Variants in DHX57 observed in about 807,000 individuals in gnomAD.
The protein encoded by DHX57 is putative ATP-dependent RNA helicase DHX57.
Under a neutral mutation model 156.2 loss-of-function variants are expected in DHX57, and 105 were observed. That is an observed-to-expected ratio of 0.67 (90% confidence interval 0.57 to 0.79). DHX57 has a LOEUF of 0.79. Among genes scored for constraint, DHX57 ranks in the 30% least tolerant of loss-of-function variants. The probability of loss-of-function intolerance (pLI) is 0.00; values close to 1 mark genes in which losing one functional copy is unlikely to be tolerated. For synonymous variants in DHX57, 704 were observed against 595.6 expected (o/e 1.18, Z -2.65); for missense variants, 1,847 against 1,661.9 (o/e 1.11, Z -1.94).
chr2:38,806,722 CATATA>C, intron 21 of DHX57, 29 bp from the exon 22 acceptor site: 3 of 1,598,140 alleles, frequency 1.9e-6, no homozygotes, highest in Non-Finnish European at 2.6e-6. Context: ...TAAAAATAGA[CATATA>C]ATATATATAT....
At chr2:38,860,280 T>C (rs926397506) in intron 5 of DHX57, among the ~76,000 whole-genome samples, 1 of 152,100 alleles carries the variant, frequency 6.6e-6, no homozygotes, top group African/African-American at 2.4e-5. Flanking sequence ...TGAAACCCTG[T>C]CTTACTAAAA....
intron 13 of DHX57, among the ~76,000 whole-genome samples, chr2:38,833,959 A>T (rs895989070): frequency 6.6e-5 from 10 of 152,218 alleles, no homozygotes; most frequent in Admixed American, 3.9e-4. Context: ...AAAATAATCA[A>T]AACTCACACA....
chr2:38,819,205 T>TGG, intron 17 of DHX57, 61 bp from the exon 18 acceptor site: 1 of 1,526,532 alleles, frequency 6.6e-7, no homozygotes, highest in Non-Finnish European at 9.0e-7. Context: ...GACAGGGTCT[T>TGG]GTTCTGTTGC....
chr2:38,825,754 A>C lies in DHX57; in HGVS notation c.3014+93T>G, dbSNP rs930457208. 8.3e-6 allele frequency: 11 copies of C among 1,322,946 alleles called. No homozygotes were observed. In the African/African-American group the frequency reaches 1.6e-4, roughly 19 times the overall value. 82.0% of individuals were successfully genotyped at this position (1,322,946 alleles called of 1,614,324 possible). A position where few individuals can be genotyped will look rare whatever the true frequency, so the allele number is the denominator to read the frequency against. ...ATTATTGGTGGTCATTCTTAGCCAA[A>C]TATCTTCTAGAAGTAAAAGGAAAAC... is the stretch of plus-strand genomic sequence containing the variant. On this transcript the variant is annotated intron_variant, in intron 16 of 23. Coordinates refer to ENST00000457308, the MANE Select transcript of DHX57 (RefSeq NM_198963.3).
rs1282172296 is a variant in DHX57, at chr2:38,802,905, A to C, written c.3827T>G (p.Phe1276Cys). 6.2e-7 allele frequency: 1 copy of C among 1,614,074 alleles called. No individual in the cohort carries two copies. Among genetic ancestry groups the C allele is most frequent in the Non-Finnish European group, 8.5e-7 (1 of 1,180,018 alleles). The change falls in exon 23 of 24, where the codon TTT becomes TGT. Residue 1276 changes from phenylalanine (F) to cysteine (C), a missense_variant. Transcript: ENST00000457308. ...GTGGTACAACAGGTAGGGGCTGTCA[A>C]AGTGTCTCACCTGTAACAAAAAACC... Reference protein sequence around the residue: ...PSSVNYQVRHFDSPYLLYHEK... With the variant: ...PSSVNYQVRHCDSPYLLYHEK...
intron 2 of DHX57, among the ~76,000 whole-genome samples, chr2:38,867,892 T>C (rs1665160351): frequency 6.6e-6 from 1 of 152,190 alleles, no homozygotes; most frequent in Non-Finnish European, 1.5e-5. Flanking sequence ...TTAACATCAG[T>C]CTATGATGCA....
chr2:38,865,439 G>C lies in DHX57; in HGVS notation c.225-1920C>G, dbSNP rs1015334694. On this transcript the variant is annotated intron_variant, in intron 2 of 23. Transcript: ENST00000457308. ...TTTTGCTTCCCCTTTCAGCATGATTGTAAGTTTCCTGAGGCCACCCCAGCC... is the reference window on the plus strand; with the variant it reads ...TTTTGCTTCCCCTTTCAGCATGATTCTAAGTTTCCTGAGGCCACCCCAGCC... Among the ~76,000 whole-genome samples the C allele has an allele frequency of 7.2e-5, 11 of 152,128 alleles. No individual in the cohort carries two copies. In the South Asian group the frequency reaches 1.9e-3, roughly 26 times the overall value.
Position 38,861,527 on chromosome 2 carries a change from T to C in DHX57, c.883A>G (p.Lys295Glu), listed in dbSNP as rs140984413. 1.9e-4 allele frequency: 313 copies of C among 1,614,178 alleles called. 4 individuals carry two copies. In the East Asian group the frequency reaches 3.6e-3, roughly 18 times the overall value. Reference protein sequence around the residue: ...FRKSKPKESTKNVQENSLEIC... With the variant: ...FRKSKPKESTENVQENSLEIC... ...TCAAGTGAATTCTCTTGTACATTTT[T>C]GGTACTTTCTTTTGGCTTGGATTTG... is the stretch of plus-strand genomic sequence containing the variant. The change falls in exon 5 of 24, where the codon AAA (lysine) becomes GAA (glutamate). Residue 295 changes from lysine to glutamate, a missense_variant. Transcript: ENST00000457308.
In DHX57 at chr2:38,802,859, T is replaced by C; in HGVS notation, c.3873A>G (p.Arg1291=). The C allele has an allele frequency of 2.5e-6, 4 of 1,614,188 alleles. No individual in the cohort carries two copies. The highest frequency in any genetic ancestry group is 3.4e-6 in the Non-Finnish European group (4 of 1,180,030). ...LLYHEKIKTS[R]VFIRDCSMVS... ...CCATGCTGCAGTCTCGGATGAATAC[T>C]CGACTAGTTTTTATCTTCTCGTGGT... The change falls in exon 23 of 24, where the codon CGA becomes CGG. Residue 1291 remains arginine (R), a synonymous_variant. Transcript: ENST00000457308.
At chr2:38,843,658 A>T (rs558217007) in intron 11 of DHX57, among the ~76,000 whole-genome samples, 3 of 152,320 alleles carry the variant, frequency 2.0e-5, no homozygotes, top group African/African-American at 7.2e-5. Flanking sequence ...AAACATTTCA[A>T]AACTCTTACA....
chr2:38,836,775 CAAAAA>C (rs964200602), intron 13 of DHX57, among the ~76,000 whole-genome samples: 1 of 42,458 alleles, frequency 2.4e-5, no homozygotes, highest in Admixed American at 2.2e-4. Flanking sequence ...GACCCTGTCT[CAAAAA>C]AAAAAAAAAA....
intron 14 of DHX57, 82 bp from the exon 15 acceptor site, chr2:38,826,771 C>T: frequency 1.4e-6 from 2 of 1,443,158 alleles, no homozygotes; most frequent in East Asian, 2.4e-5. Flanking sequence ...CTACTAAAAC[C>T]AACAATATGA....
At chr2:38,825,726 G>A in intron 16 of DHX57, 121 bp downstream of exon 16, 1 of 944,576 alleles carries the variant, frequency 1.1e-6, no homozygotes, top group Non-Finnish European at 1.6e-6. Context: ...ACAAATAAAT[G>A]AGATTATTGG....
chr2:38,803,687 T>C (rs1669806263), intron 22 of DHX57, among the ~76,000 whole-genome samples: 1 of 151,204 alleles, frequency 6.6e-6, no homozygotes, highest in South Asian at 2.1e-4. Flanking sequence ...AGGGATTTCA[T>C]CATGCTGGCC....
intron 19 of DHX57, among the ~76,000 whole-genome samples, chr2:38,816,593 G>A (rs979645866): frequency 5.9e-5 from 9 of 152,186 alleles, no homozygotes; most frequent in African/African-American, 1.7e-4. Context: ...TTTTTCTTGT[G>A]GCTACTGTTC....
chr2:38,864,827 T>G (rs1309354277), intron 2 of DHX57, among the ~76,000 whole-genome samples: 1 of 152,172 alleles, frequency 6.6e-6, no homozygotes, highest in Non-Finnish European at 1.5e-5. Flanking sequence ...TTTCCTCTTC[T>G]CTCTGAAACA....
At chr2:38,831,629 C>A (rs563444361) in intron 13 of DHX57, among the ~76,000 whole-genome samples, 70 of 151,850 alleles carry the variant, frequency 4.6e-4, no homozygotes, top group African/African-American at 1.7e-3. Context: ...CCAAAGCGGG[C>A]GGATCACCTG....
rs776558067 is a variant in DHX57, at chr2:38,847,063, A to C, written c.2175T>G (p.Phe725Leu). The part of the protein sequence containing the change: ...CPVITIPGRT[F>L]PVDQFFLEDA... ...CTTCCAAAAAAAATTGATCAACAGG[A>C]AATGTACGACCTAGAAAAACAAGGA... The change falls in exon 11 of 24, where the codon TTT (phenylalanine) becomes TTG (leucine). Residue 725 changes from phenylalanine to leucine, a missense_variant. Physicochemically the swap from Phe to Leu is conservative, Grantham distance 22. Coordinates refer to ENST00000457308, the MANE Select transcript of DHX57 (RefSeq NM_198963.3). 2 of 1,613,630 alleles carry C rather than the reference A, an allele frequency of 1.2e-6. No homozygotes were observed. The highest frequency in any genetic ancestry group is 1.7e-5 in the Admixed American group (1 of 59,986).
rs764806293 is a variant in DHX57, at chr2:38,868,208, G to C, written c.198C>G (p.Ile66Met). The change falls in exon 2 of 24, where the codon ATC becomes ATG. Residue 66 changes from isoleucine to methionine, a missense_variant. Physicochemically the swap from Ile to Met is conservative, Grantham distance 10. Transcript: ENST00000457308. ...RIWDDGDDFC[I>M]FSESRRPSRP... Reference sequence around the variant, plus strand: ...TGGAAGGGCGCCTTGATTCACTGAAGATACAAAAGTCATCTCCATCATCCC... The same window carrying C: ...TGGAAGGGCGCCTTGATTCACTGAACATACAAAAGTCATCTCCATCATCCC... 12 of 1,613,844 alleles carry C rather than the reference G, an allele frequency of 7.4e-6. No individual in the cohort carries two copies. Among genetic ancestry groups the C allele is most frequent in the Non-Finnish European group, 1.0e-5 (12 of 1,180,024 alleles).
Sources: allele counts gnomAD v4.1 joint callset (sites outside exome capture counted in the v4.1 genomes callset), GRCh38; gene constraint gnomAD v4.1.1; transcripts MANE v1.5; gene names NCBI Gene and HGNC (gene_info 2026-07-23, HGNC 2026-07-21).